Variants in ZFHX3 observed in about 807,000 individuals in gnomAD.
The protein encoded by ZFHX3 is zinc finger homeobox protein 3.
A neutral mutation model predicts 279.1 loss-of-function variants in ZFHX3; 42 were observed. The ratio of observed to expected loss-of-function variants is 0.15; its 90% CI spans 0.12 to 0.19. ZFHX3 has a LOEUF of 0.19. ZFHX3 is among the 10% of genes least tolerant of loss of function. ZFHX3 has a pLI of 1.00. For missense variants in ZFHX3, 4,981 were observed against 4,754.0 expected, an observed-to-expected ratio of 1.05 and a Z score of -1.40; for synonymous variants, 2,293 against 1,957.8, an observed-to-expected ratio of 1.17 and a Z score of -4.52.
At chr16:73,174,311 A>AACAACAAC (rs1567409967) in intron 5 of ZFHX3, among the ~76,000 whole-genome samples, 5 of 137,054 alleles carry the variant, frequency 3.6e-5, no homozygotes, top group African/African-American at 1.4e-4. Flanking sequence ...ACAACAACAA[A>AACAACAAC]AGGAGGAATA....
At chr16:73,280,661 A>C (rs2143059752) in intron 4 of ZFHX3, among the ~76,000 whole-genome samples, 1 of 152,130 alleles carries the variant, frequency 6.6e-6, no homozygotes, top group East Asian at 1.9e-4. Flanking sequence ...TGGGACTGTA[A>C]ATTGGTACAG....
chr16:73,102,568 CA>C (rs1966245756), intron 7 of ZFHX3, among the ~76,000 whole-genome samples: 1 of 152,150 alleles, frequency 6.6e-6, no homozygotes, highest in African/African-American at 2.4e-5. Context: ...TTTGACCTTC[CA>C]AACACTTTCA....
chr16:73,149,686 A>G (rs1033285036), intron 5 of ZFHX3, among the ~76,000 whole-genome samples: 2 of 152,212 alleles, frequency 1.3e-5, no homozygotes. Flanking sequence ...TAATTTTTCA[A>G]CTAGCAGTTT....
At chr16:73,289,580 T>A (rs1440574568) in intron 4 of ZFHX3, among the ~76,000 whole-genome samples, 1 of 152,038 alleles carries the variant, frequency 6.6e-6, no homozygotes, top group African/African-American at 2.4e-5. Flanking sequence ...GCTGAGGTCC[T>A]AGGCTGGCAA....
chr16:73,133,736 T>A (rs1966738758), intron 6 of ZFHX3, among the ~76,000 whole-genome samples: 1 of 152,214 alleles, frequency 6.6e-6, no homozygotes, highest in Admixed American at 6.5e-5. Context: ...CTTTGTGGTA[T>A]TTTGGGGGTT....
At chr16:73,403,717 A>G (rs1186121673) in intron 3 of ZFHX3, among the ~76,000 whole-genome samples, 2 of 152,174 alleles carry the variant, frequency 1.3e-5, no homozygotes, top group Non-Finnish European at 2.9e-5. Context: ...TGGCGAACAC[A>G]TCCAAATGGT....
intron 1 of ZFHX3, among the ~76,000 whole-genome samples, chr16:73,694,714 G>C (rs1225425080): frequency 6.6e-6 from 1 of 152,120 alleles, no homozygotes; most frequent in African/African-American, 2.4e-5. Context: ...AGCAAGAATG[G>C]CCCCTCTGTG....
chr16:73,506,207 T>C (rs2019323637), intron 2 of ZFHX3, among the ~76,000 whole-genome samples: 1 of 152,220 alleles, frequency 6.6e-6, no homozygotes, highest in Admixed American at 6.5e-5. Flanking sequence ...CTGAAATGCC[T>C]AGATTTTTAA....
chr16:73,557,609 G>A (rs2020307202), intron 2 of ZFHX3, among the ~76,000 whole-genome samples: 1 of 152,148 alleles, frequency 6.6e-6, no homozygotes, highest in African/African-American at 2.4e-5. Context: ...TTTGTAAACT[G>A]TCATGGTGCT....
chr16:73,553,975 C>T (rs958673576), intron 2 of ZFHX3, among the ~76,000 whole-genome samples: 9 of 152,178 alleles, frequency 5.9e-5, no homozygotes, highest in African/African-American at 1.2e-4. Flanking sequence ...GCATTTCACA[C>T]GGTTGTTTAT....
chr16:73,357,797 T>C (rs1253169543), intron 3 of ZFHX3, among the ~76,000 whole-genome samples: 1 of 152,160 alleles, frequency 6.6e-6, no homozygotes, highest in Non-Finnish European at 1.5e-5. Flanking sequence ...ACTCCTCACA[T>C]TCCTTCGGCT....
intron 4 of ZFHX3, among the ~76,000 whole-genome samples, chr16:72,875,458 C>A (rs970205301): frequency 6.6e-6 from 1 of 152,042 alleles, no homozygotes; most frequent in Admixed American, 6.6e-5. Flanking sequence ...TTTCATAAAA[C>A]ATGTGACTAT....
At chr16:73,249,181 C>T (rs189211181) in intron 5 of ZFHX3, among the ~76,000 whole-genome samples, 1 of 152,192 alleles carries the variant, frequency 6.6e-6, no homozygotes, top group Admixed American at 6.5e-5. Context: ...CTGATAATTC[C>T]CCTACATGTT....
intron 3 of ZFHX3, among the ~76,000 whole-genome samples, chr16:72,927,794 A>C (rs1959538530): frequency 6.6e-6 from 1 of 152,020 alleles, no homozygotes. Flanking sequence ...AGTGTACACT[A>C]ACCACAAGCC....
chr16:72,803,084 C>A (rs2036159070), intron 7 of ZFHX3, among the ~76,000 whole-genome samples: 1 of 152,172 alleles, frequency 6.6e-6, no homozygotes, highest in African/African-American at 2.4e-5. Context: ...GTAATCCCAG[C>A]ACTTTGGGAG....
intron 2 of ZFHX3, among the ~76,000 whole-genome samples, chr16:73,521,250 A>G (rs997342969): frequency 1.1e-4 from 17 of 152,166 alleles, no homozygotes; most frequent in Non-Finnish European, 2.1e-4. Context: ...TTTCTTGTGG[A>G]GCAATCTCAT....
At chr16:73,822,253 C>G (rs1480527940) in intron 1 of ZFHX3, among the ~76,000 whole-genome samples, 1 of 152,154 alleles carries the variant, frequency 6.6e-6, no homozygotes, top group Admixed American at 6.5e-5. Context: ...AATTGGGGCT[C>G]TGATCTCCAT....
chr16:73,727,471 G>C (rs1312362036), intron 1 of ZFHX3, among the ~76,000 whole-genome samples: 2 of 152,188 alleles, frequency 1.3e-5, no homozygotes, highest in Non-Finnish European at 2.9e-5. Flanking sequence ...CTCACCTACA[G>C]ACTGTTTTAA....
chr16:72,961,874 A>G lies in ZFHX3; in HGVS notation c.-49-1680T>C, dbSNP rs796185237. ...AAGGACATACTGACTTAAAACAGAG[A>G]TGACTACAGTAAACCAAACCAAACC... On this transcript the variant is annotated intron_variant, in intron 1 of 9. Coordinates refer to ENST00000268489, the MANE Select transcript of ZFHX3 (RefSeq NM_006885.4). 3.5e-5 allele frequency among the ~76,000 whole-genome samples: 5 copies of G among 143,836 alleles called. 1 individual carries two copies. The highest frequency in any genetic ancestry group is 1.0e-4 in the African/African-American group (4 of 38,616). 94.4% of individuals were successfully genotyped at this position (143,836 alleles called of 152,430 possible).
Sources: gnomAD v4.1 joint callset for allele counts (sites outside exome capture counted in the v4.1 genomes callset) on GRCh38, gnomAD v4.1.1 for gene constraint, MANE v1.5 for transcripts, NCBI Gene and HGNC (gene_info 2026-07-23, HGNC 2026-07-21) for gene names.